IGF1R: variants seen among roughly 807,000 people sequenced by gnomAD.
IGF1R encodes the protein insulin-like growth factor 1 receptor.
A neutral mutation model predicts 144.6 loss-of-function variants in IGF1R; 44 were observed. The observed-to-expected ratio is 0.30, with a 90% CI of 0.24 to 0.39. The LOEUF is 0.39. Ranked by LOEUF, IGF1R falls within the 10% of genes least tolerant of loss-of-function variation. The probability of loss-of-function intolerance (pLI) is 1.00; values close to 1 mark genes in which losing one functional copy is unlikely to be tolerated. For missense variants in IGF1R, 1,355 were observed against 1,833.7 expected, an observed-to-expected ratio of 0.74 and a Z score of 4.77; for synonymous variants, 795 against 722.8, an observed-to-expected ratio of 1.10 and a Z score of -1.60.
At position 98,779,010 on chromosome 15, in the gene IGF1R, AT is replaced by A. The variant is rs933430533; in HGVS notation, c.640+70907del. On this transcript the variant is annotated intron_variant, in intron 2 of 20. Coordinates refer to ENST00000650285, the MANE Select transcript of IGF1R (RefSeq NM_000875.5). ...TAAGTACTCTGGGAGTGCATAATAC[AT>A]TTTAAATAAGATTAAAAATTATGTT... Among the ~76,000 whole-genome samples, 12 of 152,320 alleles carry A rather than the reference AT, an allele frequency of 7.9e-5. No homozygotes were observed. In the South Asian group the frequency reaches 1.0e-3, roughly 13 times the overall value.
intron 2 of IGF1R, among the ~76,000 whole-genome samples, chr15:98,742,856 G>C (rs1157630607): frequency 6.6e-6 from 1 of 152,062 alleles, no homozygotes; most frequent in Non-Finnish European, 1.5e-5. Flanking sequence ...CACCAACATG[G>C]TGAAACCCCG....
At chr15:98,661,419 T>G (rs2052595302) in intron 1 of IGF1R, among the ~76,000 whole-genome samples, 1 of 152,140 alleles carries the variant, frequency 6.6e-6, no homozygotes, top group Non-Finnish European at 1.5e-5. Context: ...ATCCTTAAAG[T>G]CTCCTCTTCC....
chr15:98,705,066 A>G (rs769793631), intron 1 of IGF1R, among the ~76,000 whole-genome samples: 6 of 152,150 alleles, frequency 3.9e-5, no homozygotes, highest in African/African-American at 1.2e-4. Flanking sequence ...GTTAGAGCTC[A>G]AAAGAGTCTG....
intron 20 of IGF1R, 151 bp downstream of exon 20, chr15:98,948,859 G>A (rs2016658919): frequency 1.1e-6 from 1 of 913,216 alleles, no homozygotes; most frequent in African/African-American, 1.6e-5. Context: ...CCTTGTGGAA[G>A]GAGCTGAGTG....
chr15:98,768,763 C>CACAAAA (rs752840021), intron 2 of IGF1R, among the ~76,000 whole-genome samples: 1 of 86,258 alleles, frequency 1.2e-5, no homozygotes, highest in Non-Finnish European at 2.1e-5. Flanking sequence ...ACTAAAAATA[C>CACAAAA]AAAAAAAAAA....
Position 98,704,842 on chromosome 15 carries a change from G to T in IGF1R, c.95-2720G>T, listed in dbSNP as rs902228282. On this transcript the variant is annotated intron_variant, in intron 1 of 20. Coordinates refer to ENST00000650285, the MANE Select transcript of IGF1R (RefSeq NM_000875.5). This position sits in a 1 kb window ranked among gnomAD's most constrained non-coding sequence, Gnocchi z 4.9. ...GCAGCATTGTGGGAAGAGCAACCAAGATTCTCATAGGCTTGGGAGCGGAAG... is the reference window on the plus strand; with the variant it reads ...GCAGCATTGTGGGAAGAGCAACCAATATTCTCATAGGCTTGGGAGCGGAAG... Among the ~76,000 whole-genome samples, 8 of 152,148 alleles carry T rather than the reference G, an allele frequency of 5.3e-5. No homozygotes were observed. Among genetic ancestry groups the T allele is most frequent in the African/African-American group, 1.9e-4 (8 of 41,406 alleles).
intron 2 of IGF1R, among the ~76,000 whole-genome samples, chr15:98,719,176 G>A (rs1227075576): frequency 6.6e-6 from 1 of 152,192 alleles, no homozygotes; most frequent in Non-Finnish European, 1.5e-5. Flanking sequence ...AGCTTTAGAA[G>A]AGGTTTTAAG....
At chr15:98,729,840 A>C (rs1258158988) in intron 2 of IGF1R, among the ~76,000 whole-genome samples, 1 of 152,202 alleles carries the variant, frequency 6.6e-6, no homozygotes, top group Non-Finnish European at 1.5e-5. Flanking sequence ...AATGGCCTTG[A>C]AAATGCCATG....
chr15:98,739,492 C>T (rs565076372), intron 2 of IGF1R, among the ~76,000 whole-genome samples: 1 of 152,022 alleles, frequency 6.6e-6, no homozygotes, highest in African/African-American at 2.4e-5. Context: ...AAATCAAAAA[C>T]GATTCTTGGT....
At chr15:98,779,810 G>A (rs1023765347) in intron 2 of IGF1R, among the ~76,000 whole-genome samples, 4 of 152,180 alleles carry the variant, frequency 2.6e-5, no homozygotes, top group Non-Finnish European at 5.9e-5. Flanking sequence ...CAGGCTATCT[G>A]TGGAGATAGC....
At position 98,963,822 on chromosome 15, in the gene IGF1R, TACAC is replaced by T. The variant is rs531890909; in HGVS notation, c.*6382_*6385del. The T allele has an allele frequency of 7.7e-4, 180 of 232,998 alleles. No individual in the cohort carries two copies. Among genetic ancestry groups the T allele is most frequent in the Non-Finnish European group, 1.2e-3 (139 of 117,872 alleles). The allele number at this position is 232,998 out of a possible 1,614,324, so 14.4% of individuals were successfully genotyped here. ...AGAATTTTTAATAAAAACTATAACA[TACAC>T]AAAAATTGGTTTTAAAGTTGACTCC... On this transcript the variant is annotated 3_prime_UTR_variant, in exon 21 of 21. Coordinates refer to ENST00000650285, the MANE Select transcript of IGF1R (RefSeq NM_000875.5).
intron 1 of IGF1R, among the ~76,000 whole-genome samples, chr15:98,693,165 A>G (rs772440795): frequency 5.3e-5 from 8 of 152,108 alleles, no homozygotes; most frequent in Admixed American, 3.3e-4. Flanking sequence ...TCCAGCAACT[A>G]TAGGATGCTG....
chr15:98,794,276 G>A (rs1478353764), intron 2 of IGF1R, among the ~76,000 whole-genome samples: 1 of 152,168 alleles, frequency 6.6e-6, no homozygotes, highest in Non-Finnish European at 1.5e-5. Flanking sequence ...GTACTTTTCA[G>A]GTGGACATTG....
At chr15:98,778,867 G>A (rs1398541963) in intron 2 of IGF1R, among the ~76,000 whole-genome samples, 3 of 152,182 alleles carry the variant, frequency 2.0e-5, no homozygotes, top group Non-Finnish European at 4.4e-5. Context: ...TTGGAAGTCA[G>A]CATATGCATA....
intron 2 of IGF1R, among the ~76,000 whole-genome samples, chr15:98,836,590 C>A (rs934123368): frequency 1.3e-5 from 2 of 150,950 alleles, no homozygotes; most frequent in South Asian, 2.1e-4. Context: ...TTTACATAAT[C>A]TATACACCAA....
intron 2 of IGF1R, among the ~76,000 whole-genome samples, chr15:98,856,644 C>G (rs1423036119): frequency 6.6e-6 from 1 of 152,176 alleles, no homozygotes; most frequent in Non-Finnish European, 1.5e-5. Context: ...GGATTGCTAT[C>G]CAAATATAAA....
chr15:98,654,793 G>T lies in IGF1R; in HGVS notation c.94+5118G>T, dbSNP rs537467129. Among the ~76,000 whole-genome samples the T allele has an allele frequency of 1.7e-4, 26 of 152,332 alleles. No individual in the cohort carries two copies. In the South Asian group the frequency reaches 5.0e-3, roughly 29 times the overall value. ...ATATAATAGTTGCACACATGTTACG[G>T]ATATAGTTTCTTGATTTCCAGTCTG... On this transcript the variant is annotated intron_variant, in intron 1 of 20. Transcript: ENST00000650285.
intron 18 of IGF1R, among the ~76,000 whole-genome samples, chr15:98,940,018 A>G (rs1359614037): frequency 1.3e-5 from 2 of 152,232 alleles, no homozygotes; most frequent in Non-Finnish European, 2.9e-5. Flanking sequence ...TCACACCAGA[A>G]AAAAGGGTTG....
chr15:98,862,892 AG>A (rs2012232811), intron 2 of IGF1R, among the ~76,000 whole-genome samples: 1 of 152,240 alleles, frequency 6.6e-6, no homozygotes, highest in Non-Finnish European at 1.5e-5. Context: ...CAGCTTCCAC[AG>A]ATGTTAACAT....
Sources: allele counts gnomAD v4.1 joint callset (sites outside exome capture counted in the v4.1 genomes callset), GRCh38; gene constraint gnomAD v4.1.1; non-coding constraint Gnocchi (gnomAD v3.1); transcripts MANE v1.5; gene names NCBI Gene and HGNC (gene_info 2026-07-23, HGNC 2026-07-21).